R3HCC1L: variants seen among roughly 807,000 people sequenced by gnomAD.
The protein encoded by R3HCC1L is coiled-coil domain-containing protein R3HCC1L.
In R3HCC1L, 51 loss-of-function variants were observed where a neutral mutation model predicts 59.9. The observed-to-expected ratio is 0.85, with a 90% CI of 0.68 to 1.07. The LOEUF (loss-of-function observed/expected upper bound fraction) is 1.07. R3HCC1L is among the 50% of genes least tolerant of loss of function. The probability of loss-of-function intolerance (pLI) is 0.00; values close to 1 mark genes in which losing one functional copy is unlikely to be tolerated. For synonymous variants in R3HCC1L, 322 were observed against 315.2 expected (o/e 1.02, Z -0.23); for missense variants, 965 against 933.0 (o/e 1.03, Z -0.45).
In R3HCC1L at chr10:98,244,484, T is replaced by C; in HGVS notation, c.*326T>C. ...ACACTTCCAAGATATTTAAAGCAAATACAAAACAGAACAGAGGATTCAAAC... is the reference window on the plus strand; with the variant it reads ...ACACTTCCAAGATATTTAAAGCAAACACAAAACAGAACAGAGGATTCAAAC... On this transcript the variant is annotated 3_prime_UTR_variant, in exon 10 of 10. Coordinates refer to ENST00000298999, the MANE Select transcript of R3HCC1L (RefSeq NM_001351015.2). 4.1e-6 allele frequency: 1 copy of C among 242,172 alleles called. No individual in the cohort carries two copies. The highest frequency in any genetic ancestry group is 1.5e-3 in the Middle Eastern group (1 of 688). 15.0% of individuals were successfully genotyped at this position (242,172 alleles called of 1,614,324 possible). A position where few individuals can be genotyped will look rare whatever the true frequency, so the allele number is the denominator to read the frequency against.
chr10:98,145,333 TGG>T (rs1198059466), intron 1 of R3HCC1L, among the ~76,000 whole-genome samples: 4 of 152,048 alleles, frequency 2.6e-5, no homozygotes, highest in Non-Finnish European at 5.9e-5. Flanking sequence ...GAGTAAGATA[TGG>T]GGTTAGAAAT....
chr10:98,159,250 A>G lies in R3HCC1L; in HGVS notation c.-213+3103A>G, dbSNP rs1190423874. ...CAAAGTATTGTTATGCTTTTACATC[A>G]TATCAGGAGGCACAAGATGTTCAAA... On this transcript the variant is annotated intron_variant, in intron 2 of 9. Transcript: ENST00000298999. Among the ~76,000 whole-genome samples the G allele has an allele frequency of 2.6e-5, 4 of 152,332 alleles. No individual in the cohort carries two copies. The East Asian group carries it at 5.8e-4, about 22-fold the overall frequency.
intron 1 of R3HCC1L, among the ~76,000 whole-genome samples, chr10:98,154,939 G>A (rs771504547): frequency 6.6e-6 from 1 of 152,110 alleles, no homozygotes; most frequent in Non-Finnish European, 1.5e-5. Context: ...GTATATATAC[G>A]TATGTATGTG....
At position 98,138,034 on chromosome 10, in the gene R3HCC1L, C is replaced by T. The variant is rs148369868; in HGVS notation, c.-268+3328C>T. On this transcript the variant is annotated intron_variant, in intron 1 of 9. Coordinates refer to ENST00000298999, the MANE Select transcript of R3HCC1L (RefSeq NM_001351015.2). Reference sequence around the variant, plus strand: ...GATGGCATTGGTATGTATGTATCTGCAGGGAGTGAGAGTTGAGAAAAACCA... The same window carrying T: ...GATGGCATTGGTATGTATGTATCTGTAGGGAGTGAGAGTTGAGAAAAACCA... Among the ~76,000 whole-genome samples the T allele has an allele frequency of 3.7e-3, 561 of 152,086 alleles. 4 individuals carry two copies. Among genetic ancestry groups the T allele is most frequent in the African/African-American group, 0.012 (502 of 41,490 alleles).
chr10:98,183,975 G>GTTTTTTTTTTTTTTTTT (rs1849954252), intron 4 of R3HCC1L, among the ~76,000 whole-genome samples: 1 of 74,968 alleles, frequency 1.3e-5, no homozygotes. Flanking sequence ...TTTTTTTTTG[G>GTTTTTTTTTTTTTTTTT]TTGAAATCTG....
chr10:98,135,590 A>G (rs1399240597), intron 1 of R3HCC1L, among the ~76,000 whole-genome samples: 2 of 152,204 alleles, frequency 1.3e-5, no homozygotes, highest in African/African-American at 4.8e-5. Flanking sequence ...TAGTTAATAA[A>G]TAGGGGGAAA....
At chr10:98,155,629 A>T (rs1390062283) in intron 1 of R3HCC1L, among the ~76,000 whole-genome samples, 2 of 152,122 alleles carry the variant, frequency 1.3e-5, no homozygotes, top group Non-Finnish European at 2.9e-5. Context: ...TAGTGGAAAA[A>T]AAAAGGATTT....
Position 98,221,519 on chromosome 10 carries a change from G to C in R3HCC1L, c.1786-9993G>C, listed in dbSNP as rs536287490. ...AGGGTTTTTATGTTTTAGGTCTAAC[G>C]TTTAAGTCTTTAATCCATCTTGAAT... On this transcript the variant is annotated intron_variant, in intron 5 of 9. Transcript: ENST00000298999. 2.0e-5 allele frequency among the ~76,000 whole-genome samples: 3 copies of C among 151,750 alleles called. No individual in the cohort carries two copies. In the East Asian group the frequency reaches 5.8e-4, roughly 29 times the overall value.
chr10:98,138,232 C>T (rs1413591710), intron 1 of R3HCC1L, among the ~76,000 whole-genome samples: 1 of 152,076 alleles, frequency 6.6e-6, no homozygotes, highest in Admixed American at 6.5e-5. Flanking sequence ...TGTGGTATGC[C>T]TGTGCTATGT....
intron 2 of R3HCC1L, among the ~76,000 whole-genome samples, chr10:98,158,889 C>G (rs191412783): frequency 6.6e-6 from 1 of 151,922 alleles, no homozygotes; most frequent in African/African-American, 2.4e-5. Context: ...TCACTGCAGC[C>G]TTGAACTCCT....
At chr10:98,180,514 G>A (rs1443260161) in intron 4 of R3HCC1L, among the ~76,000 whole-genome samples, 2 of 152,194 alleles carry the variant, frequency 1.3e-5, no homozygotes, top group Non-Finnish European at 2.9e-5. Context: ...GCCATGTGGT[G>A]CTGAGAAGAA....
Position 98,208,254 on chromosome 10 carries a change from T to C in R3HCC1L, c.140T>C (p.Val47Ala). ...AGCTGTGGTTCACCTAACTCTGTGG[T>C]GAAAGAAAAGCAAAAAGAAAGTTCT... ...EESCGSPNSV[V>A]KEKQKESSLS... The change falls in exon 5 of 10, where the codon GTG becomes GCG. Residue 47 changes from valine (V) to alanine (A), a missense_variant. By Grantham distance (64) the Val-to-Ala change is moderately conservative (BLOSUM62 0). Coordinates refer to ENST00000298999, the MANE Select transcript of R3HCC1L (RefSeq NM_001351015.2). 4 of 1,613,952 alleles carry C rather than the reference T, an allele frequency of 2.5e-6. No homozygotes were observed. Among genetic ancestry groups the C allele is most frequent in the Non-Finnish European group, 2.5e-6 (3 of 1,179,992 alleles).
intron 4 of R3HCC1L, among the ~76,000 whole-genome samples, chr10:98,190,149 A>G (rs1850670425): frequency 6.6e-6 from 1 of 152,192 alleles, no homozygotes; most frequent in Non-Finnish European, 1.5e-5. Flanking sequence ...TTGTTAGGGA[A>G]TAATAACGAG....
At chr10:98,173,847 C>T (rs968493858) in intron 4 of R3HCC1L, among the ~76,000 whole-genome samples, 3 of 152,144 alleles carry the variant, frequency 2.0e-5, no homozygotes, top group Non-Finnish European at 2.9e-5. Flanking sequence ...CATTCTAGAA[C>T]TTGTGCCAAA....
intron 1 of R3HCC1L, among the ~76,000 whole-genome samples, chr10:98,141,479 TTTG>T (rs1489446743): frequency 6.6e-6 from 1 of 152,156 alleles, no homozygotes; most frequent in African/African-American, 2.4e-5. Flanking sequence ...CTGGTTACCT[TTTG>T]TTGTGTTTGT....
chr10:98,204,433 G>A (rs1423271578), intron 4 of R3HCC1L, among the ~76,000 whole-genome samples: 2 of 152,122 alleles, frequency 1.3e-5, no homozygotes, highest in Non-Finnish European at 2.9e-5. Flanking sequence ...AGAAGATCAA[G>A]TGCTATTAGT....
chr10:98,218,919 G>T (rs1590760386), intron 5 of R3HCC1L, among the ~76,000 whole-genome samples: 1 of 152,042 alleles, frequency 6.6e-6, no homozygotes. Context: ...CTTTATCATA[G>T]ACTTTGTTTC....
chr10:98,187,567 G>A (rs1000707656), intron 4 of R3HCC1L, among the ~76,000 whole-genome samples: 2 of 151,914 alleles, frequency 1.3e-5, no homozygotes, highest in Admixed American at 1.3e-4. Flanking sequence ...TTTTTGGATG[G>A]GGAGCTTAAG....
At chr10:98,150,758 G>A (rs982544121) in intron 1 of R3HCC1L, among the ~76,000 whole-genome samples, 1 of 152,124 alleles carries the variant, frequency 6.6e-6, no homozygotes, top group South Asian at 2.1e-4. Flanking sequence ...TTGGCATCTC[G>A]TTTGGCTGAG....
Sources: gnomAD v4.1 joint callset for allele counts (sites outside exome capture counted in the v4.1 genomes callset) on GRCh38, gnomAD v4.1.1 for gene constraint, MANE v1.5 for transcripts, NCBI Gene and HGNC (gene_info 2026-07-23, HGNC 2026-07-21) for gene names.